Variants in TNFRSF11A observed in about 807,000 individuals in gnomAD.
TNFRSF11A encodes tumor necrosis factor receptor superfamily member 11A.
A neutral mutation model predicts 55.7 loss-of-function variants in TNFRSF11A; 32 were observed. The ratio of observed to expected loss-of-function variants is 0.57; its 90% confidence interval spans 0.43 to 0.77. TNFRSF11A has a LOEUF of 0.77. Ranked by LOEUF, TNFRSF11A falls within the 30% of genes least tolerant of loss-of-function variation. The probability of loss-of-function intolerance (pLI) is 0.00; values close to 1 mark genes in which losing one functional copy is unlikely to be tolerated. For missense variants in TNFRSF11A, 753 were observed against 809.8 expected (o/e 0.93, Z 0.85); for synonymous variants, 311 against 331.0 (o/e 0.94, Z 0.65).
chr18:62,358,389 C>T, intron 5 of TNFRSF11A, 48 bp downstream of exon 5: 1 of 1,541,744 alleles, frequency 6.5e-7, no homozygotes. Flanking sequence ...TTTTAAACAA[C>T]TCAACCTCCA....
chr18:62,371,918 C>T (rs1429199191), intron 9 of TNFRSF11A, among the ~76,000 whole-genome samples: 2 of 152,162 alleles, frequency 1.3e-5, no homozygotes, highest in Non-Finnish European at 2.9e-5. Flanking sequence ...GCTGATGTGA[C>T]ATTTGTTTAA....
At chr18:62,334,887 T>C (rs995338220) in intron 1 of TNFRSF11A, among the ~76,000 whole-genome samples, 1 of 152,120 alleles carries the variant, frequency 6.6e-6, no homozygotes, top group Non-Finnish European at 1.5e-5. Context: ...GTGTCACTAA[T>C]GCACAGTGGC....
chr18:62,325,834 C>A lies in TNFRSF11A; in HGVS notation c.75+407C>A, dbSNP rs966905941. 6.6e-6 allele frequency among the ~76,000 whole-genome samples: 1 copy of A among 152,248 alleles called. No homozygotes were observed. The highest frequency in any genetic ancestry group is 6.5e-5 in the Admixed American group (1 of 15,292). ...TAACCGTTCCCGATACGATTTCTCC[C>A]GGGTGGCCTCCGTCCCAAATTTCCA... On this transcript the variant is annotated intron_variant, in intron 1 of 9. Coordinates refer to ENST00000586569, the MANE Select transcript of TNFRSF11A (RefSeq NM_003839.4). The surrounding 1 kb of genome is among the most constrained non-coding windows in gnomAD (Gnocchi z 4.7).
rs1345821632 is a variant in TNFRSF11A, at chr18:62,387,063, C to G, written c.*2029C>G. On this transcript the variant is annotated 3_prime_UTR_variant, in exon 10 of 10. Transcript: ENST00000586569. ...CGCTTTTCTTTGCTTTTATTTTTTC[C>G]TTCTATAAAAAGGCAATAATGATAA... is the stretch of plus-strand genomic sequence containing the variant. 6.6e-6 allele frequency: 1 copy of G among 152,020 alleles called. No individual in the cohort carries two copies. The highest frequency in any genetic ancestry group is 2.4e-5 in the African/African-American group (1 of 41,392). The allele number at this position is 152,020 out of a possible 1,614,324, so 9.4% of individuals were successfully genotyped here.
intron 9 of TNFRSF11A, among the ~76,000 whole-genome samples, chr18:62,378,358 G>C (rs1800242508): frequency 6.6e-6 from 1 of 152,220 alleles, no homozygotes; most frequent in South Asian, 2.1e-4. Flanking sequence ...TTATATAGAT[G>C]AGTGTTGTAA....
rs1166437310 is a variant in TNFRSF11A at position 62,391,161 on chromosome 18, G to C, written c.*6127G>C. 6.6e-6 allele frequency: 1 copy of C among 152,186 alleles called. No homozygotes were observed. Among genetic ancestry groups the C allele is most frequent in the African/African-American group, 2.4e-5 (1 of 41,426 alleles). 9.4% of individuals were successfully genotyped at this position (152,186 alleles called of 1,614,324 possible). A position where few individuals can be genotyped will look rare whatever the true frequency, so the allele number is the denominator to read the frequency against. Reference sequence around the variant, plus strand: ...CCACATAATGTCCTTGAGATCCATCGGTGGGTACACCAGTAGTTCCATTTT... The same window carrying C: ...CCACATAATGTCCTTGAGATCCATCCGTGGGTACACCAGTAGTTCCATTTT... On this transcript the variant is annotated 3_prime_UTR_variant, in exon 10 of 10. Coordinates refer to ENST00000586569, the MANE Select transcript of TNFRSF11A (RefSeq NM_003839.4).
chr18:62,372,018 G>A (rs79817043), intron 9 of TNFRSF11A, among the ~76,000 whole-genome samples: 10,739 of 152,124 alleles, frequency 0.071, 595 homozygotes, highest in African/African-American at 0.13. Context: ...CAGTGACTGG[G>A]GACTTTTCCT....
Position 62,387,526 on chromosome 18 carries a change from CG to C in TNFRSF11A, c.*2493del, listed in dbSNP as rs1372580473. ...CTAATCTTTATGGTATGGTGTCAAC[CG>C]TTCATTTGTATCTTATTGCTCATTC... On this transcript the variant is annotated 3_prime_UTR_variant, in exon 10 of 10. Coordinates refer to ENST00000586569, the MANE Select transcript of TNFRSF11A (RefSeq NM_003839.4). 1 of 152,082 alleles carries C rather than the reference CG, an allele frequency of 6.6e-6. No individual in the cohort carries two copies. The highest frequency in any genetic ancestry group is 1.5e-5 in the Non-Finnish European group (1 of 68,020). 9.4% of individuals were successfully genotyped at this position (152,082 alleles called of 1,614,324 possible).
intron 9 of TNFRSF11A, among the ~76,000 whole-genome samples, chr18:62,374,936 G>A (rs1910785267): frequency 6.6e-6 from 1 of 151,648 alleles, no homozygotes; most frequent in Non-Finnish European, 1.5e-5. Flanking sequence ...ACAGGGTTTG[G>A]CTCTATTACC....
chr18:62,369,485 G>C lies in TNFRSF11A; in HGVS notation c.1567+1G>C. On this transcript the variant is annotated splice_donor_variant, in intron 9 of 9. Transcript: ENST00000586569. LOFTEE classifies it high-confidence loss of function. The stretch of plus-strand genomic sequence containing the variant: ...CCTGGTGGCCAGTCCCCTGCATCTG[G>C]TAAGTGACTTCCCAGTCTCTCACTT... 6.2e-7 allele frequency: 1 copy of C among 1,605,066 alleles called. No homozygotes were observed. Among genetic ancestry groups the C allele is most frequent in the Non-Finnish European group, 8.5e-7 (1 of 1,179,990 alleles).
At chr18:62,358,462 T>C in intron 5 of TNFRSF11A, 121 bp downstream of exon 5, 2 of 939,416 alleles carry the variant, frequency 2.1e-6, no homozygotes, top group Non-Finnish European at 3.4e-6. Flanking sequence ...TGAAGCCACG[T>C]TCAAAATGGA....
intron 2 of TNFRSF11A, 144 bp downstream of exon 2, chr18:62,348,393 C>A (rs2046416529): frequency 7.3e-5 from 51 of 699,246 alleles, no homozygotes; most frequent in Non-Finnish European, 8.3e-5. Context: ...ACTCTGAAGA[C>A]AAAAATCTTT....
chr18:62,364,907 A>G (rs1909967421), intron 7 of TNFRSF11A, among the ~76,000 whole-genome samples: 1 of 152,120 alleles, frequency 6.6e-6, no homozygotes, highest in Non-Finnish European at 1.5e-5. Flanking sequence ...AACTGTGATG[A>G]TCTTCCCATG....
chr18:62,368,958 T>C lies in TNFRSF11A; in HGVS notation c.1041T>C (p.Asp347=), dbSNP rs750094340. 6.2e-6 allele frequency: 10 copies of C among 1,614,094 alleles called. No individual in the cohort carries two copies. Among genetic ancestry groups the C allele is most frequent in the Non-Finnish European group, 8.5e-6 (10 of 1,180,052 alleles). ...GCTTCAGACAGATGCCCACAGAAGA[T>C]GAATACATGGACAGGCCCTCCCAGC... is the stretch of plus-strand genomic sequence containing the variant. ...EDSFRQMPTE[D]EYMDRPSQPT... is the part of the protein sequence containing the mutation. Residue 347 remains aspartate (D), a synonymous_variant, in exon 9 of 10, where the codon GAT becomes GAC. Transcript: ENST00000586569.
chr18:62,366,805 G>T (rs775320344), intron 8 of TNFRSF11A, 45 bp downstream of exon 8: 2 of 1,588,236 alleles, frequency 1.3e-6, no homozygotes, highest in African/African-American at 1.3e-5. Flanking sequence ...ACATTCAACA[G>T]TTAGGCTGGT....
At chr18:62,353,207 TCAC>T (rs2046499322) in intron 3 of TNFRSF11A, among the ~76,000 whole-genome samples, 1 of 152,212 alleles carries the variant, frequency 6.6e-6, no homozygotes, top group African/African-American at 2.4e-5. Context: ...CACGGACTGA[TCAC>T]CACGTAAACT....
chr18:62,367,776 T>TC (rs1910196936), intron 8 of TNFRSF11A, among the ~76,000 whole-genome samples: 204 of 139,168 alleles, frequency 1.5e-3, no homozygotes, highest in Middle Eastern at 3.8e-3. Context: ...CTTTCTTTCT[T>TC]TTCTTCTTCT....
rs578000067 is a variant in TNFRSF11A, at chr18:62,379,102, TG to T, written c.1568-5647del. ...GGGAAAAAAACCAATCACAGAAACC[TG>T]GCGTGCTCACGTGCAGAGCACCTGC... On this transcript the variant is annotated intron_variant, in intron 9 of 9. Transcript: ENST00000586569. Among the ~76,000 whole-genome samples the T allele has an allele frequency of 5.3e-5, 8 of 152,332 alleles. 1 individual carries two copies. The South Asian group carries it at 1.7e-3, about 32-fold the overall frequency.
intron 9 of TNFRSF11A, among the ~76,000 whole-genome samples, chr18:62,374,716 G>A (rs1469984865): frequency 6.6e-6 from 1 of 152,152 alleles, no homozygotes; most frequent in Non-Finnish European, 1.5e-5. Context: ...CCTGAGAAAT[G>A]CAGATTCCAC....
Sources: allele counts gnomAD v4.1 joint callset (sites outside exome capture counted in the v4.1 genomes callset), GRCh38; gene constraint gnomAD v4.1.1; non-coding constraint Gnocchi (gnomAD v3.1); transcripts MANE v1.5; gene names NCBI Gene and HGNC (gene_info 2026-07-23, HGNC 2026-07-21).